The following NOMO1 variants were observed in gnomAD, a reference collection of about 807,000 sequenced individuals.
NOMO1 encodes NODAL modulator 1, also known as nodal modulator 3.
In NOMO1, 40 loss-of-function variants were observed where a neutral mutation model predicts 133.8. The ratio of observed to expected loss-of-function variants is 0.30; its 90% CI spans 0.23 to 0.39. The LOEUF is 0.39. NOMO1 is among the 10% of genes least tolerant of loss of function. The probability of loss-of-function intolerance (pLI) is 1.00; values close to 1 mark genes in which losing one functional copy is unlikely to be tolerated. For synonymous variants in NOMO1, 236 were observed against 570.5 expected, an observed-to-expected ratio of 0.41 and a Z score of 8.36; for missense variants, 462 against 1,419.9, an observed-to-expected ratio of 0.33 and a Z score of 10.84.
intron 5 of NOMO1, chr16:14,848,400 G>T (rs2151894309): frequency 7.9e-6 from 1 of 127,044 alleles, no homozygotes; most frequent in Admixed American, 8.5e-5. Flanking sequence ...GGGATTCAAA[G>T]CTTATCATAG....
At chr16:14,851,083 CAAA>C (rs61323903) in intron 6 of NOMO1, among the ~76,000 whole-genome samples, 19 of 97,218 alleles carry the variant, frequency 2.0e-4, no homozygotes, top group African/African-American at 2.7e-4. Flanking sequence ...GACTCCATCT[CAAA>C]AAAAAAAAAA....
chr16:14,884,148 GA>G lies in NOMO1; in HGVS notation c.3112-216del, dbSNP rs1360369980. Among the ~76,000 whole-genome samples, 9 of 151,148 alleles carry G rather than the reference GA, an allele frequency of 6.0e-5. 1 individual carries two copies. Among genetic ancestry groups the G allele is most frequent in the Admixed American group, 1.3e-4 (2 of 15,194 alleles). On this transcript the variant is annotated intron_variant, in intron 26 of 30. Transcript: ENST00000287667. ...CATGTTGGCAAGTAATTCAAACGTA[GA>G]AAAAAAATACTGTGCTTTCGAAATG...
In NOMO1 at chr16:14,842,761, T is replaced by A. The variant is rs60357192; in HGVS notation, c.301+1354T>A. On this transcript the variant is annotated intron_variant, in intron 3 of 30. Transcript: ENST00000287667. ...GATCCATTTGGTCTGTTTTGAACTT[T>A]ATACAAATGCTATCATGCAGGGAAC... Among the ~76,000 whole-genome samples, 436 of 151,102 alleles carry A rather than the reference T, an allele frequency of 2.9e-3. 4 individuals are homozygous for A. The highest frequency in any genetic ancestry group is 9.8e-3 in the African/African-American group (403 of 41,152).
chr16:14,878,872 C>G, intron 23 of NOMO1, 38 bp downstream of exon 23: 5 of 1,602,790 alleles, frequency 3.1e-6, no homozygotes, highest in Non-Finnish European at 4.3e-6. Context: ...CCTGTCTTCC[C>G]TGAGAGAGAG....
At chr16:14,837,194 T>C (rs996511990) in intron 1 of NOMO1, among the ~76,000 whole-genome samples, 1 of 151,636 alleles carries the variant, frequency 6.6e-6, no homozygotes, top group African/African-American at 2.4e-5. Context: ...ATTTTTTTTC[T>C]AGTAGGGATG....
chr16:14,856,069 C>T (rs571405653), intron 9 of NOMO1, among the ~76,000 whole-genome samples: 58 of 152,186 alleles, frequency 3.8e-4, no homozygotes, highest in African/African-American at 1.3e-3. Context: ...CTGTTGCACA[C>T]GTGCGTGCAC....
chr16:14,856,825 C>T (rs917281640), intron 9 of NOMO1, among the ~76,000 whole-genome samples: 2 of 151,584 alleles, frequency 1.3e-5, no homozygotes, highest in Non-Finnish European at 2.9e-5. Flanking sequence ...AGGAGCGGGG[C>T]GGGGCATCCA....
intron 2 of NOMO1, among the ~76,000 whole-genome samples, chr16:14,839,175 C>G (rs1220114319): frequency 1.3e-5 from 2 of 151,816 alleles, no homozygotes; most frequent in African/African-American, 4.8e-5. Flanking sequence ...CTTCCTCAGC[C>G]TCCCAAATAG....
chr16:14,884,948 C>T (rs1267436627), intron 27 of NOMO1, among the ~76,000 whole-genome samples: 1 of 151,982 alleles, frequency 6.6e-6, no homozygotes, highest in Non-Finnish European at 1.5e-5. Context: ...GTAGGTTGTA[C>T]AGGAAGCATA....
chr16:14,865,169 T>TGCA lies in NOMO1; in HGVS notation c.1669+15_1669+17dup. On this transcript the variant is annotated intron_variant, in intron 14 of 30. Coordinates refer to ENST00000287667, the MANE Select transcript of NOMO1 (RefSeq NM_014287.4). ...GAAAATACAAAAGTAAGAATTGGAA[T>TGCA]GCAACATCCTGTGGCCCTCACACAC... is the stretch of plus-strand genomic sequence containing the variant. The TGCA allele has an allele frequency of 8.2e-7, 1 of 1,218,936 alleles. No individual in the cohort carries two copies. The highest frequency in any genetic ancestry group is 1.2e-6 in the Non-Finnish European group (1 of 831,630). 75.5% of individuals were successfully genotyped at this position (1,218,936 alleles called of 1,614,324 possible).
At chr16:14,854,357 T>C (rs62038462) in intron 9 of NOMO1, among the ~76,000 whole-genome samples, 7,536 of 126,128 alleles carry the variant, frequency 0.06, 160 homozygotes, top group East Asian at 0.11. Context: ...TTTTTTAAGA[T>C]AGGGTCTCAC....
intron 27 of NOMO1, among the ~76,000 whole-genome samples, chr16:14,885,570 G>A (rs1281999115): frequency 1.3e-5 from 2 of 151,922 alleles, no homozygotes; most frequent in African/African-American, 2.4e-5. Context: ...GAAAGTGTGT[G>A]TGCGCTTTAG....
chr16:14,882,594 C>T lies in NOMO1; in HGVS notation c.3028C>T (p.Pro1010Ser), dbSNP rs1964259208. The change falls in exon 26 of 31, where the codon CCG becomes TCG. Residue 1010 changes from proline (P) to serine (S), a missense_variant and splice_region_variant. Physicochemically the swap from Pro to Ser is moderately conservative, Grantham distance 74 (BLOSUM62 -1). Coordinates refer to ENST00000287667, the MANE Select transcript of NOMO1 (RefSeq NM_014287.4). ...AGCTGACTCCTGAGTTTTTTTGCAG[C>T]CGGGATGTGTGTACCACGTTCAGCT... ...EGKFRLRGLL[P>S]GCVYHVQLKA... 1 of 1,611,524 alleles carries T rather than the reference C, an allele frequency of 6.2e-7. No homozygotes were observed. The highest frequency in any genetic ancestry group is 8.5e-7 in the Non-Finnish European group (1 of 1,179,760).
chr16:14,880,506 C>A (rs1964227913), intron 24 of NOMO1, among the ~76,000 whole-genome samples: 1 of 151,624 alleles, frequency 6.6e-6, no homozygotes, highest in Non-Finnish European at 1.5e-5. Flanking sequence ...ATTCTCTTGT[C>A]CTGGCCTCCC....
Position 14,864,585 on chromosome 16 carries a change from G to A in NOMO1, c.1396G>A (p.Val466Met), listed in dbSNP as rs781419601. The change falls in exon 13 of 31, where the codon GTG becomes ATG. Residue 466 changes from valine to methionine, a missense_variant and splice_region_variant. Val to Met is a conservative substitution (Grantham distance 21). Transcript: ENST00000287667. ...KAKPGTYKVQ[V>M]MVPEAETRAG... Reference sequence around the variant, plus strand: ...TAACGTTCCATCCACGTTTCCACAGGTGATGGTTCCTGAGGCAGAAACCAG... The same window carrying A: ...TAACGTTCCATCCACGTTTCCACAGATGATGGTTCCTGAGGCAGAAACCAG... The A allele has an allele frequency of 1.2e-6, 2 of 1,612,904 alleles. No individual in the cohort carries two copies. Among genetic ancestry groups the A allele is most frequent in the Non-Finnish European group, 8.5e-7 (1 of 1,179,388 alleles).
At chr16:14,855,935 A>T (rs1193935106) in intron 9 of NOMO1, among the ~76,000 whole-genome samples, 1 of 152,140 alleles carries the variant, frequency 6.6e-6, no homozygotes, top group Admixed American at 6.6e-5. Flanking sequence ...ATCAAGAAGG[A>T]CTACCTGTCA....
intron 9 of NOMO1, among the ~76,000 whole-genome samples, chr16:14,856,557 G>C (rs1330984908): frequency 6.6e-6 from 1 of 151,772 alleles, no homozygotes; most frequent in African/African-American, 2.4e-5. Flanking sequence ...GATTACAGGC[G>C]CCTGCCACCA....
At chr16:14,887,523 A>G (rs1232852428) in intron 28 of NOMO1, among the ~76,000 whole-genome samples, 2 of 150,654 alleles carry the variant, frequency 1.3e-5, no homozygotes, top group African/African-American at 4.9e-5. Flanking sequence ...GATGGTCTTG[A>G]TCTCCTGACC....
chr16:14,840,609 A>C (rs1046240655), intron 2 of NOMO1, among the ~76,000 whole-genome samples: 1 of 150,834 alleles, frequency 6.6e-6, no homozygotes, highest in African/African-American at 2.5e-5. Context: ...CTAAAACAAA[A>C]ACAAAGAAAC....
Sources: gnomAD v4.1 joint callset for allele counts (sites outside exome capture counted in the v4.1 genomes callset) on GRCh38, gnomAD v4.1.1 for gene constraint, MANE v1.5 for transcripts, NCBI Gene and HGNC (gene_info 2026-07-23, HGNC 2026-07-21) for gene names.